COX15: variants seen among roughly 807,000 people sequenced by gnomAD.
COX15 encodes the protein cytochrome c oxidase assembly factor COX15, also known as heme A synthase COX15.
A neutral mutation model predicts 51.9 loss-of-function variants in COX15; 51 were observed. That is an observed-to-expected ratio of 0.98 (90% CI 0.78 to 1.24). The LOEUF (loss-of-function observed/expected upper bound fraction) is 1.24, where lower values mean the gene tolerates loss of function less well. COX15 is among the 50% of genes most tolerant of loss of function. COX15 has a pLI of 0.00. For synonymous variants in COX15, 188 were observed against 190.5 expected (o/e 0.99, Z 0.11); for missense variants, 420 against 501.1 (o/e 0.84, Z 1.55).
chr10:99,716,705 T>C (rs2036590927), intron 7 of COX15: 1 of 434,848 alleles, frequency 2.3e-6, no homozygotes, highest in African/African-American at 2.0e-5. Flanking sequence ...ATGTACTTTA[T>C]ACACCCTCAC....
chr10:99,731,233 C>T (rs1387211859), intron 1 of COX15, among the ~76,000 whole-genome samples: 1 of 152,182 alleles, frequency 6.6e-6, no homozygotes, highest in African/African-American at 2.4e-5. Flanking sequence ...GTATCTCCCA[C>T]TAAACTATGA....
chr10:99,701,663 A>C, the COX15 span, among the ~76,000 whole-genome samples: 3 of 152,100 alleles, frequency 2.0e-5, no homozygotes, highest in African/African-American at 7.2e-5. Context: ...TAGCAACATA[A>C]ACCCTCATGT....
At chr10:99,709,441 C>T (rs2036315964), downstream of COX15, 5 of 985,378 alleles carry the variant, frequency 5.1e-6, no homozygotes, top group East Asian at 1.1e-4. Context: ...GGGGCAATAA[C>T]TTGTGAGGAT....
At position 99,714,115 on chromosome 10, in the gene COX15, C is replaced by CTT. The variant is rs765618742; in HGVS notation, c.*470_*471dup. The CTT allele has an allele frequency of 2.7e-5, 22 of 820,678 alleles. No homozygotes were observed. The South Asian group carries it at 2.9e-4, about 11-fold the overall frequency. The allele number at this position is 820,678 out of a possible 1,614,324, so 50.8% of individuals were successfully genotyped here. ...AAATCAGGATATTAGAAGACATTAG[C>CTT]TTTTTTTTTTTTGCTGAAGACCAGC... On this transcript the variant is annotated 3_prime_UTR_variant, in exon 9 of 9. Transcript: ENST00000016171.
chr10:99,695,260 C>G, the COX15 span, among the ~76,000 whole-genome samples: 2 of 151,920 alleles, frequency 1.3e-5, no homozygotes, highest in South Asian at 2.1e-4. Flanking sequence ...CACAGTGGCT[C>G]ACACCTGTAA....
In COX15 at chr10:99,716,430, A is replaced by G. The variant is rs768203179; in HGVS notation, c.1019T>C (p.Leu340Pro). The part of the protein sequence containing the change: ...GITSVTAITV[L>P]YFLSRRIPLP... The stretch of plus-strand genomic sequence containing the variant: ...GGGAATTCTCCGAGAGAGGAAGTAG[A>G]GCACTGTAATGGCAGTGACTGAAGT... Residue 340 changes from leucine (L) to proline (P), a missense_variant, in exon 8 of 9, where the codon CTC (leucine) becomes CCC (proline). By Grantham distance (98) the Leu-to-Pro change is moderately conservative (BLOSUM62 -3). Coordinates refer to ENST00000016171, the MANE Select transcript of COX15 (RefSeq NM_078470.6). The G allele has an allele frequency of 4.3e-6, 7 of 1,613,722 alleles. No homozygotes were observed. The South Asian group carries it at 7.7e-5, about 18-fold the overall frequency.
intron 2 of COX15, 70 bp from the exon 3 acceptor site, chr10:99,727,633 A>T: frequency 6.5e-7 from 1 of 1,539,880 alleles, no homozygotes; most frequent in Non-Finnish European, 8.9e-7. Context: ...TTATAGCAAC[A>T]AGTGGATCTG....
the COX15 span, among the ~76,000 whole-genome samples, chr10:99,699,680 T>C: frequency 6.6e-6 from 1 of 152,206 alleles, no homozygotes; most frequent in Non-Finnish European, 1.5e-5. Context: ...TTCTCCTGCC[T>C]CAGCCTCCCG....
Position 99,713,298 on chromosome 10 carries a change from G to C in COX15, c.*1289C>G. On this transcript the variant is annotated 3_prime_UTR_variant, in exon 9 of 9. Transcript: ENST00000016171. ...CTTATACAACTTATTTAATTTAAAT[G>C]AGTATGTTACATTTCTAATCTGTTT... is the stretch of plus-strand genomic sequence containing the variant. The C allele has an allele frequency of 6.5e-7, 1 of 1,545,906 alleles. No individual in the cohort carries two copies. The highest frequency in any genetic ancestry group is 8.9e-7 in the Non-Finnish European group (1 of 1,128,634).
At position 99,711,778 on chromosome 10, in the gene COX15, A is replaced by G; in HGVS notation, c.*2809T>C. 1.0e-6 allele frequency: 1 copy of G among 985,448 alleles called. No individual in the cohort carries two copies. Among genetic ancestry groups the G allele is most frequent in the Non-Finnish European group, 1.2e-6 (1 of 829,930 alleles). 61.0% of individuals were successfully genotyped at this position (985,448 alleles called of 1,614,324 possible). Reference sequence around the variant, plus strand: ...AGGGTCCAGCATTTATGAAAAATTGACAAACTGTTTTGCTAAGAATCACCT... The same window carrying G: ...AGGGTCCAGCATTTATGAAAAATTGGCAAACTGTTTTGCTAAGAATCACCT... On this transcript the variant is annotated 3_prime_UTR_variant, in exon 9 of 9. Coordinates refer to ENST00000016171, the MANE Select transcript of COX15 (RefSeq NM_078470.6).
At chr10:99,701,968 G>A in the COX15 span, among the ~76,000 whole-genome samples, 1 of 151,996 alleles carries the variant, frequency 6.6e-6, no homozygotes, top group Admixed American at 6.5e-5. Flanking sequence ...AGAATTGCTT[G>A]AACCCAGGAG....
the COX15 span, chr10:99,705,168 G>T: frequency 6.2e-6 from 1 of 161,512 alleles, no homozygotes; most frequent in African/African-American, 2.4e-5. Flanking sequence ...AGGGATCCAA[G>T]ATCTTTGCAG....
intron 4 of COX15, among the ~76,000 whole-genome samples, chr10:99,724,839 G>C (rs1296126264): frequency 6.6e-6 from 1 of 152,050 alleles, no homozygotes; most frequent in Admixed American, 6.5e-5. Flanking sequence ...GTCAAGTTAG[G>C]TTGGAATAAG....
chr10:99,732,059 A>T lies in COX15; in HGVS notation c.-10T>A, dbSNP rs770106452. ...AGAGCAATCGCTGCATACTGATGACAGGGAACAGCCACCTCTTCCACAACC... is the reference window on the plus strand; with the variant it reads ...AGAGCAATCGCTGCATACTGATGACTGGGAACAGCCACCTCTTCCACAACC... On this transcript the variant is annotated 5_prime_UTR_variant, in exon 1 of 9. Coordinates refer to ENST00000016171, the MANE Select transcript of COX15 (RefSeq NM_078470.6). 1.2e-6 allele frequency: 2 copies of T among 1,611,190 alleles called. No individual in the cohort carries two copies. The highest frequency in any genetic ancestry group is 2.2e-5 in the South Asian group (2 of 90,422).
chr10:99,700,871 T>C, the COX15 span: 1 of 901,340 alleles, frequency 1.1e-6, no homozygotes, highest in Non-Finnish European at 1.8e-6. Context: ...TGTCAGCTGG[T>C]AGCCCACAAG....
Position 99,712,606 on chromosome 10 carries a change from T to A in COX15, c.*1981A>T, listed in dbSNP as rs577407869. The A allele has an allele frequency of 2.4e-4, 236 of 983,932 alleles. 1 individual carries two copies. Among genetic ancestry groups the A allele is most frequent in the South Asian group, 1.1e-3 (24 of 21,272 alleles). The allele number at this position is 983,932 out of a possible 1,614,324, so 61.0% of individuals were successfully genotyped here. A position where few individuals can be genotyped will look rare whatever the true frequency, so the allele number is the denominator to read the frequency against. On this transcript the variant is annotated 3_prime_UTR_variant, in exon 9 of 9. Coordinates refer to ENST00000016171, the MANE Select transcript of COX15 (RefSeq NM_078470.6). ...AGGTATATCCAAGGAAAAATAAACT[T>A]AAGATAAGCTTATTTTCCTTATTTC...
downstream of COX15, among the ~76,000 whole-genome samples, chr10:99,707,589 C>T (rs920092544): frequency 1.3e-5 from 2 of 152,172 alleles, no homozygotes; most frequent in African/African-American, 4.8e-5. Context: ...CCACTGGTTC[C>T]TTTGAATCTT....
the COX15 span, among the ~76,000 whole-genome samples, chr10:99,702,873 G>A: frequency 1.3e-5 from 2 of 152,302 alleles, no homozygotes; most frequent in Admixed American, 6.5e-5. Flanking sequence ...CAGAAAGAAG[G>A]TTGAGCATTA....
At chr10:99,698,763 G>A in the COX15 span, 10 of 1,614,114 alleles carry the variant, frequency 6.2e-6, no homozygotes, top group South Asian at 2.2e-5. Context: ...CAACAACAGC[G>A]AGTTCTACGG....
Sources: allele counts gnomAD v4.1 joint callset (sites outside exome capture counted in the v4.1 genomes callset), GRCh38; gene constraint gnomAD v4.1.1; transcripts MANE v1.5; gene names NCBI Gene and HGNC (gene_info 2026-07-23, HGNC 2026-07-21).